The following CELF2 variants were observed in gnomAD, a reference collection of about 807,000 sequenced individuals.
The protein encoded by CELF2 is CUGBP Elav-like family member 2, also known as CUG triplet repeat RNA-binding protein 2.
Under a neutral mutation model 62.6 loss-of-function variants are expected in CELF2, and 8 were observed. The ratio of observed to expected loss-of-function variants is 0.13; its 90% CI spans 0.07 to 0.23. The LOEUF (loss-of-function observed/expected upper bound fraction) is 0.23. Among genes scored for constraint, CELF2 ranks in the 10% least tolerant of loss-of-function variants. CELF2 has a pLI of 1.00. For missense variants in CELF2, 333 were observed against 671.0 expected (o/e 0.50, Z 5.56); for synonymous variants, 258 against 250.0 (o/e 1.03, Z -0.30).
rs1319579616 is a variant in CELF2, at chr10:10,997,405, TC to T, written c.89+77407del. ...CTTCTCTTGCATTTCCATCACATGA[TC>T]ATATGAATCACCATATTGGTCTCAC... is the stretch of plus-strand genomic sequence containing the variant. On this transcript the variant is annotated intron_variant, in intron 2 of 13. Transcript: ENST00000636488. This position sits in a 1 kb window ranked among gnomAD's most constrained non-coding sequence, Gnocchi z 5.3. Among the ~76,000 whole-genome samples, 1 of 152,206 alleles carries T rather than the reference TC, an allele frequency of 6.6e-6. No homozygotes were observed. Among genetic ancestry groups the T allele is most frequent in the Non-Finnish European group, 1.5e-5 (1 of 68,036 alleles).
chr10:11,057,899 C>T (rs2065694552), intron 1 of CELF2, among the ~76,000 whole-genome samples: 1 of 152,150 alleles, frequency 6.6e-6, no homozygotes, highest in Non-Finnish European at 1.5e-5. Flanking sequence ...TTATATTTAG[C>T]AAGAGAAGTT....
intron 5 of CELF2, among the ~76,000 whole-genome samples, chr10:11,262,940 C>CTT (rs553831640): frequency 0.19 from 10,040 of 52,390 alleles, 3,441 homozygotes; most frequent in Non-Finnish European, 0.23. Flanking sequence ...AGTGGCTTTA[C>CTT]TTTTTTTTTT....
At chr10:10,551,970 A>G in the CELF2 span, among the ~76,000 whole-genome samples, 5 of 151,878 alleles carry the variant, frequency 3.3e-5, no homozygotes, top group African/African-American at 1.2e-4. Context: ...TATATTCCTT[A>G]TTATTTTTAA....
intron 1 of CELF2, among the ~76,000 whole-genome samples, chr10:11,022,910 A>G (rs1052630840): frequency 6.6e-6 from 1 of 152,248 alleles, no homozygotes; most frequent in Non-Finnish European, 1.5e-5. Flanking sequence ...AAGCAGTACT[A>G]TAAGCATTCC....
intron 1 of CELF2, among the ~76,000 whole-genome samples, chr10:10,841,695 G>A (rs1205009923): frequency 6.6e-6 from 1 of 151,880 alleles, no homozygotes; most frequent in Non-Finnish European, 1.5e-5. Flanking sequence ...CTTGAATTTG[G>A]GTAGTGTGAA....
intron 1 of CELF2, among the ~76,000 whole-genome samples, chr10:11,115,775 T>G (rs1564804865): frequency 6.6e-6 from 1 of 152,248 alleles, no homozygotes; most frequent in Non-Finnish European, 1.5e-5. Flanking sequence ...AAGTTACTCA[T>G]CACCACTGCT....
the CELF2 span, among the ~76,000 whole-genome samples, chr10:10,611,927 A>G: frequency 1.1e-4 from 17 of 152,342 alleles, no homozygotes; most frequent in Non-Finnish European, 2.2e-4. Context: ...ATATTGATCC[A>G]TACCATTGTC....
the CELF2 span, among the ~76,000 whole-genome samples, chr10:10,603,273 A>G: frequency 6.6e-6 from 1 of 152,194 alleles, no homozygotes; most frequent in Non-Finnish European, 1.5e-5. Context: ...TGTTAAGTGC[A>G]CCGAGAAGGC....
intron 1 of CELF2, among the ~76,000 whole-genome samples, chr10:11,120,142 C>T (rs1422909691): frequency 6.6e-6 from 1 of 152,082 alleles, no homozygotes; most frequent in Non-Finnish European, 1.5e-5. Flanking sequence ...TGTCAAGCAC[C>T]TTCGCCAGGT....
chr10:11,235,318 C>G (rs2070786181), intron 3 of CELF2, among the ~76,000 whole-genome samples: 1 of 152,228 alleles, frequency 6.6e-6, no homozygotes, highest in Non-Finnish European at 1.5e-5. Context: ...AACATAAAAT[C>G]TCTCCCACAT....
chr10:11,028,035 A>G (rs2059509549), intron 1 of CELF2, among the ~76,000 whole-genome samples: 1 of 152,198 alleles, frequency 6.6e-6, no homozygotes, highest in African/African-American at 2.4e-5. Flanking sequence ...CGGAACTTTC[A>G]TGCTTTTAAG....
Position 11,165,070 on chromosome 10 carries a change from A to G in CELF2, c.75-416A>G. ...CGGGGGGCGGGGCAGGGAGAGGGAG[A>G]GAAATCCAGCAGACATCTAGCTCTG... On this transcript the variant is annotated intron_variant, in intron 1 of 12. Transcript: ENST00000633077. The surrounding 1 kb of genome is among the most constrained non-coding windows in gnomAD (Gnocchi z 7.4). 1.0e-6 allele frequency: 1 copy of G among 989,396 alleles called. No individual in the cohort carries two copies. The highest frequency in any genetic ancestry group is 1.2e-6 in the Non-Finnish European group (1 of 832,228). The allele number at this position is 989,396 out of a possible 1,614,324, so 61.3% of individuals were successfully genotyped here. A position where few individuals can be genotyped will look rare whatever the true frequency, so the allele number is the denominator to read the frequency against.
chr10:11,226,971 A>G (rs1242365486), intron 3 of CELF2, among the ~76,000 whole-genome samples: 6 of 152,046 alleles, frequency 3.9e-5, no homozygotes, highest in Non-Finnish European at 2.9e-5. Context: ...CCAATCCACA[A>G]TCTGCATTTT....
intron 1 of CELF2, among the ~76,000 whole-genome samples, chr10:11,139,342 A>G (rs1266048211): frequency 6.6e-6 from 1 of 152,242 alleles, no homozygotes; most frequent in African/African-American, 2.4e-5. Flanking sequence ...AATTTCAAGA[A>G]ACATTGTCTT....
At chr10:11,040,312 C>T (rs2061610216) in intron 1 of CELF2, among the ~76,000 whole-genome samples, 2 of 152,214 alleles carry the variant, frequency 1.3e-5, no homozygotes, top group East Asian at 1.9e-4. Flanking sequence ...AATAGGGTCT[C>T]TGTTTCGAAA....
chr10:10,809,318 C>A (rs1023771750), intron 1 of CELF2, among the ~76,000 whole-genome samples: 4 of 152,330 alleles, frequency 2.6e-5, no homozygotes, highest in African/African-American at 9.6e-5. Flanking sequence ...AGACTTCTAG[C>A]TTCCAGAATT....
the CELF2 span, among the ~76,000 whole-genome samples, chr10:10,601,077 C>G: frequency 6.6e-6 from 1 of 152,168 alleles, no homozygotes; most frequent in Non-Finnish European, 1.5e-5. Context: ...GAAAGCAGAA[C>G]CATAGCTTTT....
At chr10:10,812,691 G>GT (rs2056044211) in intron 1 of CELF2, among the ~76,000 whole-genome samples, 2 of 152,280 alleles carry the variant, frequency 1.3e-5, no homozygotes, top group Admixed American at 6.5e-5. Flanking sequence ...CCACCCTCAG[G>GT]TGGAAGTAAG....
the CELF2 span, among the ~76,000 whole-genome samples, chr10:10,658,736 C>G: frequency 2.0e-5 from 3 of 152,008 alleles, no homozygotes; most frequent in African/African-American, 7.2e-5. Flanking sequence ...TTCTATGTAG[C>G]TCTTGTCTCT....
Sources: gnomAD v4.1 joint callset for allele counts (sites outside exome capture counted in the v4.1 genomes callset) on GRCh38, gnomAD v4.1.1 for gene constraint, Gnocchi (gnomAD v3.1) non-coding constraint, MANE v1.5 for transcripts, NCBI Gene and HGNC (gene_info 2026-07-23, HGNC 2026-07-21) for gene names.